PGS1: variants seen among roughly 807,000 people sequenced by gnomAD.
The protein encoded by PGS1 is phosphatidylglycerophosphate synthase 1.
In PGS1, 44 loss-of-function variants were observed where a neutral mutation model predicts 58.3. That is an observed-to-expected ratio of 0.75 (90% CI 0.59 to 0.97). The LOEUF (loss-of-function observed/expected upper bound fraction) is 0.97. Among genes scored for constraint, PGS1 ranks in the 50% least tolerant of loss-of-function variants. PGS1 has a pLI of 0.00. For missense variants in PGS1, 684 were observed against 731.1 expected (o/e 0.94, Z 0.74); for synonymous variants, 330 against 311.0 (o/e 1.06, Z -0.64).
At chr17:78,420,169 C>T in intron 9 of PGS1, 1 of 1,000,862 alleles carries the variant, frequency 1.0e-6, no homozygotes, top group Middle Eastern at 5.2e-4. Flanking sequence ...AGACCGTGGG[C>T]TGCTGCCTGG....
rs1230405553 is a variant in PGS1, at chr17:78,419,645, C to T, written c.1651C>T (p.Leu551=). Reference sequence around the variant, plus strand: ...GCTGTGGGTGAAGATGGTGACTCCACTGATCAAGAACTTCTTCTGAGGACA... The same window carrying T: ...GCTGTGGGTGAAGATGGTGACTCCATTGATCAAGAACTTCTTCTGAGGACA... ...VKLWVKMVTP[L]IKNFF Residue 551 remains leucine, a synonymous_variant, in exon 9 of 10, where the codon CTG becomes TTG. Transcript: ENST00000262764. 5.0e-6 allele frequency: 8 copies of T among 1,614,054 alleles called. No individual in the cohort carries two copies. The African/African-American group carries it at 1.1e-4, about 22-fold the overall frequency.
chr17:78,392,976 C>T (rs1249831438), intron 2 of PGS1, among the ~76,000 whole-genome samples: 2 of 152,036 alleles, frequency 1.3e-5, no homozygotes, highest in Non-Finnish European at 2.9e-5. Context: ...CCAGATGGGT[C>T]TTGAACCACT....
chr17:78,402,694 C>T lies in PGS1; in HGVS notation c.881-874C>T, dbSNP rs771886662. On this transcript the variant is annotated intron_variant, in intron 6 of 9. Transcript: ENST00000262764. Reference sequence around the variant, plus strand: ...AACTCCTGGCCTCAGGTGATCTGCCCGCTCCTGCCTCCGTAAGTGCTGTGC... The same window carrying T: ...AACTCCTGGCCTCAGGTGATCTGCCTGCTCCTGCCTCCGTAAGTGCTGTGC... 1.1e-4 allele frequency among the ~76,000 whole-genome samples: 16 copies of T among 152,250 alleles called. 1 individual carries two copies. In the Middle Eastern group the frequency reaches 0.017, roughly 162 times the overall value.
At chr17:78,418,052 C>T (rs1391618015) in intron 8 of PGS1, among the ~76,000 whole-genome samples, 1 of 151,362 alleles carries the variant, frequency 6.6e-6, no homozygotes, top group Non-Finnish European at 1.5e-5. Context: ...GCCTCAGCCT[C>T]CTGAGTAGCT....
chr17:78,417,740 G>GC (rs2085319596), intron 8 of PGS1, among the ~76,000 whole-genome samples: 1 of 151,460 alleles, frequency 6.6e-6, no homozygotes, highest in Non-Finnish European at 1.5e-5. Context: ...TGTAGGTATG[G>GC]CCCGGACATT....
intron 9 of PGS1, chr17:78,421,780 A>G (rs1290475425): frequency 6.6e-6 from 1 of 152,210 alleles, no homozygotes; most frequent in Non-Finnish European, 1.5e-5. Flanking sequence ...CCCGCAGCGC[A>G]CACTGCTCCC....
chr17:78,416,513 G>A (rs1449426352), intron 8 of PGS1, among the ~76,000 whole-genome samples: 3 of 152,252 alleles, frequency 2.0e-5, no homozygotes, highest in East Asian at 3.8e-4. Flanking sequence ...TGTGCCTGGG[G>A]TCCTGGTACT....
chr17:78,419,909 G>A (rs1204369085), intron 9 of PGS1: 29 of 1,258,156 alleles, frequency 2.3e-5, no homozygotes, highest in South Asian at 6.2e-5. Context: ...GTCCCAAGGC[G>A]CCTGTGCTGG....
At chr17:78,404,951 C>T (rs1269887146) in intron 7 of PGS1, among the ~76,000 whole-genome samples, 6 of 151,948 alleles carry the variant, frequency 3.9e-5, no homozygotes, top group African/African-American at 7.3e-5. Context: ...TGAGCCACCA[C>T]GCCCGGCCCT....
In PGS1 at chr17:78,392,682, G is replaced by T. The variant is rs1292142243; in HGVS notation, c.333+17G>T. 4 of 1,609,670 alleles carry T rather than the reference G, an allele frequency of 2.5e-6. No individual in the cohort carries two copies. The highest frequency in any genetic ancestry group is 3.4e-6 in the Non-Finnish European group (4 of 1,177,222). ...CTCATGAAGGTAAGTGGTATCTAAAGGAAAGAAGTTTGAGTTAGAGCTTTT... is the reference window on the plus strand; with the variant it reads ...CTCATGAAGGTAAGTGGTATCTAAATGAAAGAAGTTTGAGTTAGAGCTTTT... On this transcript the variant is annotated intron_variant, in intron 2 of 9. Transcript: ENST00000262764.
At chr17:78,392,862 T>C (rs2082928255) in intron 2 of PGS1, among the ~76,000 whole-genome samples, 197 bp downstream of exon 2, 1 of 152,158 alleles carries the variant, frequency 6.6e-6, no homozygotes, top group Non-Finnish European at 1.5e-5. Flanking sequence ...GGCCAGCGTC[T>C]CAGGTGGAGA....
At chr17:78,410,620 C>T (rs1028196830) in intron 7 of PGS1, among the ~76,000 whole-genome samples, 3 of 151,692 alleles carry the variant, frequency 2.0e-5, no homozygotes, top group Non-Finnish European at 2.9e-5. Flanking sequence ...ATTACAGGCA[C>T]GCACCAGAAT....
At position 78,419,605 on chromosome 17, in the gene PGS1, G is replaced by C; in HGVS notation, c.1611G>C (p.Pro537=). ...TGTCCTCTGCCACCTTCGAGCAGCC[G>C]AGTCGCCAGGTGAAGCTGTGGGTGA... is the stretch of plus-strand genomic sequence containing the variant. The part of the protein sequence containing the change: ...GVVSSATFEQ[P]SRQVKLWVKM... Residue 537 remains proline, a synonymous_variant, in exon 9 of 10, where the codon CCG becomes CCC. Coordinates refer to ENST00000262764, the MANE Select transcript of PGS1 (RefSeq NM_024419.5). The C allele has an allele frequency of 6.2e-7, 1 of 1,614,100 alleles. No individual in the cohort carries two copies. Among genetic ancestry groups the C allele is most frequent in the African/African-American group, 1.3e-5 (1 of 75,054 alleles).
intron 6 of PGS1, among the ~76,000 whole-genome samples, chr17:78,402,100 G>A (rs917313850): frequency 6.6e-6 from 1 of 152,182 alleles, no homozygotes; most frequent in African/African-American, 2.4e-5. Flanking sequence ...GCATGTGGCA[G>A]TGTGACTCCT....
At chr17:78,423,199 G>GTTAA (rs1207080745) in intron 9 of PGS1, among the ~76,000 whole-genome samples, 2 of 151,878 alleles carry the variant, frequency 1.3e-5, no homozygotes, top group Non-Finnish European at 2.9e-5. Context: ...CAGGTTGCTA[G>GTTAA]TTAATTCTCT....
chr17:78,392,733 G>A (rs1427129322), intron 2 of PGS1, 68 bp downstream of exon 2: 68 of 1,218,516 alleles, frequency 5.6e-5, no homozygotes, highest in Non-Finnish European at 3.5e-6. Context: ...TGAGTCCTGA[G>A]TGCTTTCTAG....
chr17:78,397,698 G>A (rs1031936462), intron 3 of PGS1, among the ~76,000 whole-genome samples: 7 of 152,140 alleles, frequency 4.6e-5, no homozygotes, highest in African/African-American at 1.4e-4. Flanking sequence ...GCCTCCCAAA[G>A]TGCTGGGATT....
chr17:78,409,827 A>G (rs895999190), intron 7 of PGS1, among the ~76,000 whole-genome samples: 2 of 152,168 alleles, frequency 1.3e-5, no homozygotes, highest in East Asian at 3.8e-4. Context: ...TAGAACTGCA[A>G]AGGCCTGGCG....
At chr17:78,423,187 C>T (rs563727897) in intron 9 of PGS1, among the ~76,000 whole-genome samples, 1 of 152,120 alleles carries the variant, frequency 6.6e-6, no homozygotes, top group African/African-American at 2.4e-5. Flanking sequence ...CCCCTCATCC[C>T]CCAGGTTGCT....
Sources: gnomAD v4.1 joint callset for allele counts (sites outside exome capture counted in the v4.1 genomes callset) on GRCh38, gnomAD v4.1.1 for gene constraint, MANE v1.5 for transcripts, NCBI Gene and HGNC (gene_info 2026-07-23, HGNC 2026-07-21) for gene names.